The following ATXN2 variants were observed in gnomAD, a reference collection of about 807,000 sequenced individuals.
ATXN2 encodes the protein ataxin 2, also known as ataxin-2.
ATXN2 carries 37 observed loss-of-function variants against 138.6 expected under a neutral mutation model. The observed-to-expected ratio is 0.27, with a 90% CI of 0.21 to 0.35. The LOEUF (loss-of-function observed/expected upper bound fraction) is 0.35, where lower values mean the gene tolerates loss of function less well. Ranked by LOEUF, ATXN2 falls within the 10% of genes least tolerant of loss-of-function variation. ATXN2 has a pLI of 1.00. For synonymous variants in ATXN2, 549 were observed against 543.7 expected, an observed-to-expected ratio of 1.01 and a Z score of -0.13; for missense variants, 1,216 against 1,480.3, an observed-to-expected ratio of 0.82 and a Z score of 2.93.
At chr12:111,584,455 T>G (rs184836244) in intron 1 of ATXN2, among the ~76,000 whole-genome samples, 1 of 138,950 alleles carries the variant, frequency 7.2e-6, no homozygotes, top group Non-Finnish European at 1.5e-5. Flanking sequence ...GACTAGTCCA[T>G]AGGCAATGTG....
At chr12:111,506,989 G>C (rs1219413474) in intron 14 of ATXN2, among the ~76,000 whole-genome samples, 2 of 152,176 alleles carry the variant, frequency 1.3e-5, no homozygotes, top group African/African-American at 4.8e-5. Context: ...AGGCTGGAGT[G>C]CAGTGGCGTG....
intron 14 of ATXN2, among the ~76,000 whole-genome samples, chr12:111,506,711 C>T (rs1879142963): frequency 6.6e-6 from 1 of 151,022 alleles, no homozygotes; most frequent in South Asian, 2.1e-4. Context: ...CCTCTGATGC[C>T]GAGCCGAAGC....
chr12:111,525,973 T>C (rs1206105143), intron 5 of ATXN2, among the ~76,000 whole-genome samples: 4 of 149,406 alleles, frequency 2.7e-5, no homozygotes, highest in Admixed American at 2.7e-4. Context: ...TGAGCCACCA[T>C]GCCCAGCCCA....
chr12:111,507,713 T>C (rs1179565393), intron 14 of ATXN2, among the ~76,000 whole-genome samples: 1 of 152,198 alleles, frequency 6.6e-6, no homozygotes, highest in East Asian at 1.9e-4. Context: ...CTTTGTGGAA[T>C]AGAAAAGGGG....
chr12:111,518,256 A>G lies in ATXN2; in HGVS notation c.1158T>C (p.Val386=). 6.3e-7 allele frequency: 1 copy of G among 1,592,910 alleles called. No individual in the cohort carries two copies. The highest frequency in any genetic ancestry group is 8.6e-7 in the Non-Finnish European group (1 of 1,166,800). Residue 386 remains valine (V), a synonymous_variant, in exon 9 of 25, where the codon GTT becomes GTC. Transcript: ENST00000673436. ...NPNSGSDQRV[V]NGGVPWPSPC... is the part of the protein sequence containing the mutation. The stretch of plus-strand genomic sequence containing the variant: ...TCTGGTCAAAATACTTGCCTCCATT[A>G]ACTACTCTTTGGTCTGAACCAGAAT...
intron 22 of ATXN2, among the ~76,000 whole-genome samples, chr12:111,456,955 C>T (rs375488128): frequency 2.6e-5 from 4 of 151,950 alleles, no homozygotes; most frequent in Non-Finnish European, 1.5e-5. Context: ...TCACAGTGTT[C>T]GCCAGGATGG....
chr12:111,490,569 C>G (rs573809259), intron 14 of ATXN2, among the ~76,000 whole-genome samples: 6 of 152,234 alleles, frequency 3.9e-5, no homozygotes, highest in African/African-American at 1.4e-4. Context: ...GGTGGCCAAA[C>G]AGAACCTTCC....
chr12:111,456,875 G>A (rs1875143305), intron 22 of ATXN2, among the ~76,000 whole-genome samples: 2 of 152,064 alleles, frequency 1.3e-5, no homozygotes, highest in Admixed American at 1.3e-4. Context: ...AGCCTCCCGA[G>A]AAGCTGGGAC....
At chr12:111,587,671 T>TA (rs367714796) in intron 1 of ATXN2, among the ~76,000 whole-genome samples, 59 of 150,834 alleles carry the variant, frequency 3.9e-4, no homozygotes, top group Non-Finnish European at 5.0e-4. Context: ...AAAGGAAATT[T>TA]AAAAAAAAAC....
At position 111,598,974 on chromosome 12, in the gene ATXN2, GC is replaced by G. The variant is rs757862555; in HGVS notation, c.60del (p.Gln20HisfsTer26). ...QQQQQQQQQQ[Q>X]QQQQQQQQPP... ...GGCTGCTGCTGCTGCTGCTGCTGCT[GC>G]TGTTGCTGCTGCTGCTGCTGCTGCT... On this transcript the variant is annotated frameshift_variant, in exon 1 of 25. Coordinates refer to ENST00000673436, the MANE Select transcript of ATXN2 (RefSeq NM_001372574.1). LOFTEE classifies it high-confidence loss of function. This position sits in a 1 kb window ranked among gnomAD's most constrained non-coding sequence, Gnocchi z 4.5. 6.6e-3 allele frequency: 9,625 copies of G among 1,457,444 alleles called. 41 individuals are homozygous for G. The highest frequency in any genetic ancestry group is 0.016 in the East Asian group (546 of 34,976). The allele number at this position is 1,457,444 out of a possible 1,614,324, so 90.3% of individuals were successfully genotyped here.
Position 111,537,148 on chromosome 12 carries a change from A to G in ATXN2, c.572-11832T>C, listed in dbSNP as rs1218280774. Among the ~76,000 whole-genome samples the G allele has an allele frequency of 2.0e-5, 3 of 152,188 alleles. No homozygotes were observed. In the East Asian group the frequency reaches 5.8e-4, roughly 29 times the overall value. The stretch of plus-strand genomic sequence containing the variant: ...TATGTATAAATCAAAAGGTGGAAAC[A>G]ATGAAAATGTCCACCAACTGATGAA... On this transcript the variant is annotated intron_variant, in intron 5 of 24. Coordinates refer to ENST00000673436, the MANE Select transcript of ATXN2 (RefSeq NM_001372574.1).
In ATXN2 at chr12:111,456,105, T is replaced by G. The variant is rs1393960618; in HGVS notation, c.3194A>C (p.Gln1065Pro). 6.2e-7 allele frequency: 1 copy of G among 1,614,210 alleles called. No individual in the cohort carries two copies. The highest frequency in any genetic ancestry group is 1.1e-5 in the South Asian group (1 of 91,090). The change falls in exon 23 of 25, where the codon CAG becomes CCG. Residue 1065 changes from glutamine to proline, a missense_variant. Physicochemically the swap from Gln to Pro is moderately conservative, Grantham distance 76. Coordinates refer to ENST00000673436, the MANE Select transcript of ATXN2 (RefSeq NM_001372574.1). Reference protein sequence around the residue: ...SPQNSFPAAQQTVFTIHPSHV... With the variant: ...SPQNSFPAAQPTVFTIHPSHV... Reference sequence around the variant, plus strand: ...AGAAGGATGGATCGTAAAGACAGTCTGTTGTGCTGCTGGGAAACTATTCTG... The same window carrying G: ...AGAAGGATGGATCGTAAAGACAGTCGGTTGTGCTGCTGGGAAACTATTCTG...
intron 5 of ATXN2, among the ~76,000 whole-genome samples, chr12:111,533,679 C>T (rs1880980191): frequency 6.6e-6 from 1 of 152,086 alleles, no homozygotes; most frequent in Admixed American, 6.6e-5. Flanking sequence ...ATGTGCACTA[C>T]CATGGCCAGC....
rs116393872 is a variant in ATXN2 at position 111,475,423 on chromosome 12, T to C, written c.2525-4681A>G. 2.7e-3 allele frequency among the ~76,000 whole-genome samples: 398 copies of C among 148,612 alleles called. 1 individual carries two copies. Among genetic ancestry groups the C allele is most frequent in the African/African-American group, 8.0e-3 (324 of 40,602 alleles). On this transcript the variant is annotated intron_variant, in intron 18 of 24. Coordinates refer to ENST00000673436, the MANE Select transcript of ATXN2 (RefSeq NM_001372574.1). ...ACTTCAACATATAAACAAATCCAAA[T>C]TGCAAGCCTGACTTGGACCCTAATT...
chr12:111,473,107 T>C (rs954129356), intron 18 of ATXN2, among the ~76,000 whole-genome samples: 1 of 151,762 alleles, frequency 6.6e-6, no homozygotes, highest in Non-Finnish European at 1.5e-5. Context: ...ACCCTGTCTC[T>C]GCAAAATATA....
rs1234239606 is a variant in ATXN2, at chr12:111,457,321, T to G, written c.2935A>C (p.Asn979His). ...GSLAQQYAHP[N>H]ATLHPHTPHP... ...GGAGTATGTGGGTGCAGGGTAGCGT[T>G]AGGGTGCGCATACTGCTGAGCAAGG... The change falls in exon 22 of 25, where the codon AAC becomes CAC. Residue 979 changes from asparagine to histidine, a missense_variant. Asn to His is a moderately conservative substitution (Grantham distance 68). Coordinates refer to ENST00000673436, the MANE Select transcript of ATXN2 (RefSeq NM_001372574.1). The G allele has an allele frequency of 1.9e-6, 3 of 1,613,878 alleles. No individual in the cohort carries two copies. The highest frequency in any genetic ancestry group is 2.2e-5 in the South Asian group (2 of 91,046).
intron 18 of ATXN2, chr12:111,471,974 T>C (rs1353679643): frequency 6.6e-6 from 1 of 152,124 alleles, no homozygotes; most frequent in East Asian, 1.9e-4. Flanking sequence ...TGTTAAAACA[T>C]GATCCCCAGG....
chr12:111,538,116 A>C (rs1011834194), intron 5 of ATXN2, among the ~76,000 whole-genome samples: 4 of 151,856 alleles, frequency 2.6e-5, no homozygotes, highest in Admixed American at 2.0e-4. Context: ...AAAAAAAAAA[A>C]CCTAATTTTC....
chr12:111,564,007 T>C lies in ATXN2; in HGVS notation c.252-8088A>G, dbSNP rs183046752. ...TCTGTGAAAATCAGAAAATGATGCC[T>C]CTTCCAGGGGGTCATAGCCCCACAT... On this transcript the variant is annotated intron_variant, in intron 1 of 24. Transcript: ENST00000673436. Among the ~76,000 whole-genome samples, 11 of 152,298 alleles carry C rather than the reference T, an allele frequency of 7.2e-5. No individual in the cohort carries two copies. The East Asian group carries it at 2.1e-3, about 29-fold the overall frequency.
Sources: allele counts gnomAD v4.1 joint callset (sites outside exome capture counted in the v4.1 genomes callset), GRCh38; gene constraint gnomAD v4.1.1; non-coding constraint Gnocchi (gnomAD v3.1); transcripts MANE v1.5; gene names NCBI Gene and HGNC (gene_info 2026-07-23, HGNC 2026-07-21).